The following PCDHA2 variants were observed in gnomAD, a reference collection of about 807,000 sequenced individuals.
The protein encoded by PCDHA2 is protocadherin alpha-2.
PCDHA2 carries 58 observed loss-of-function variants against 66.0 expected under a neutral mutation model. The ratio of observed to expected loss-of-function variants is 0.88; its 90% CI spans 0.71 to 1.09. PCDHA2 has a LOEUF of 1.09. Among genes scored for constraint, PCDHA2 ranks in the 50% least tolerant of loss-of-function variants. The probability of loss-of-function intolerance (pLI) is 0.00; values close to 1 mark genes in which losing one functional copy is unlikely to be tolerated. For missense variants in PCDHA2, 1,267 were observed against 1,242.3 expected (o/e 1.02, Z -0.30); for synonymous variants, 634 against 554.0 (o/e 1.14, Z -2.03).
At chr5:141,007,974 A>G (rs2098354254) in intron 3 of PCDHA2, among the ~76,000 whole-genome samples, 1 of 152,220 alleles carries the variant, frequency 6.6e-6, no homozygotes, top group Non-Finnish European at 1.5e-5. Flanking sequence ...GGTGTCTGTC[A>G]TGTATATATG....
In PCDHA2 at chr5:140,968,565, C is replaced by T. The variant is rs532751675; in HGVS notation, c.2389-10384C>T. ...GAGATGGTGCCTCGAACTGCCCCTG[C>T]TGGCTACCTGGTCACCAAAGTCATA... is the stretch of plus-strand genomic sequence containing the variant. On this transcript the variant is annotated intron_variant, in intron 1 of 3. Coordinates refer to ENST00000526136, the MANE Select transcript of PCDHA2 (RefSeq NM_018905.3). 4.3e-6 allele frequency: 7 copies of T among 1,614,206 alleles called. No homozygotes were observed. The African/African-American group carries it at 6.7e-5, about 15-fold the overall frequency.
At chr5:140,948,543 T>C (rs1226242016) in intron 1 of PCDHA2, among the ~76,000 whole-genome samples, 2 of 151,702 alleles carry the variant, frequency 1.3e-5, no homozygotes, top group Non-Finnish European at 3.0e-5. Flanking sequence ...TTTCATGCTC[T>C]GTCAATTTTG....
intron 3 of PCDHA2, among the ~76,000 whole-genome samples, chr5:141,000,351 GTCTC>G (rs1554257240): frequency 3.0e-5 from 2 of 66,862 alleles, no homozygotes. Flanking sequence ...CTCTCTCTCT[GTCTC>G]TCTCTGTCTC....
At chr5:140,877,149 C>T in intron 1 of PCDHA2, 5 of 1,613,766 alleles carry the variant, frequency 3.1e-6, no homozygotes, top group Non-Finnish European at 4.2e-6. Flanking sequence ...TGGACGAGAA[C>T]GACAACGCGC....
chr5:140,902,953 C>G (rs549407032), intron 1 of PCDHA2, among the ~76,000 whole-genome samples: 1 of 152,162 alleles, frequency 6.6e-6, no homozygotes, highest in East Asian at 1.9e-4. Context: ...TCTTTATCCA[C>G]TTGTTGGCTG....
At chr5:140,820,842 T>G in intron 1 of PCDHA2, among the ~76,000 whole-genome samples, 1 of 152,168 alleles carries the variant, frequency 6.6e-6, no homozygotes, top group African/African-American at 2.4e-5. Flanking sequence ...AATAGCAACT[T>G]GAAGAAATGC....
chr5:140,803,059 C>G, intron 1 of PCDHA2: 1 of 1,613,996 alleles, frequency 6.2e-7, no homozygotes, highest in South Asian at 1.1e-5. Flanking sequence ...GCGCGCATCC[C>G]GTTTCGCGTG....
Position 140,884,013 on chromosome 5 carries a change from C to T in PCDHA2, c.2388+86661C>T, listed in dbSNP as rs148971741. The T allele has an allele frequency of 5.1e-5, 82 of 1,613,132 alleles. No homozygotes were observed. The African/African-American group carries it at 9.2e-4, about 18-fold the overall frequency. On this transcript the variant is annotated intron_variant, in intron 1 of 3. Transcript: ENST00000526136. ...GGAGGCACAGTGAGCGAGCTGATGC[C>T]GCGGTCGGTGGGTGCAGGCCACGTG...
intron 3 of PCDHA2, among the ~76,000 whole-genome samples, chr5:140,999,505 A>T (rs1221080631): frequency 1.3e-5 from 2 of 152,134 alleles, no homozygotes; most frequent in African/African-American, 4.8e-5. Context: ...AAGAACCTAC[A>T]TTTTAAGCAT....
chr5:140,970,894 C>T (rs1302694264), intron 1 of PCDHA2, among the ~76,000 whole-genome samples: 1 of 152,090 alleles, frequency 6.6e-6, no homozygotes, highest in Non-Finnish European at 1.5e-5. Context: ...ATGGACATTT[C>T]AGATAGATTT....
chr5:140,843,529 G>A (rs2150362130), intron 1 of PCDHA2: 1 of 1,596,020 alleles, frequency 6.3e-7, no homozygotes, highest in Middle Eastern at 1.7e-4. Flanking sequence ...GGGCGGGCAA[G>A]CCCACTCTGG....
chr5:140,882,676 C>T (rs1458440894), intron 1 of PCDHA2: 18 of 1,614,060 alleles, frequency 1.1e-5, no homozygotes, highest in Admixed American at 3.3e-5. Context: ...TCCCTGAAAG[C>T]AAGAAACGAA....
intron 3 of PCDHA2, among the ~76,000 whole-genome samples, chr5:141,008,523 C>A (rs2098380908): frequency 6.6e-6 from 1 of 152,182 alleles, no homozygotes; most frequent in Admixed American, 6.5e-5. Context: ...CAATCAGACT[C>A]TTGGGAATGT....
rs573060069 is a variant in PCDHA2 at position 140,798,841 on chromosome 5, T to C, written c.2388+1489T>C. The stretch of plus-strand genomic sequence containing the variant: ...CAAAGGCAGATGTATTGCAATAAAA[T>C]AACTGTCTTAAACGGTCCTCTACTA... On this transcript the variant is annotated intron_variant, in intron 1 of 3. Transcript: ENST00000526136. Among the ~76,000 whole-genome samples, 9 of 152,336 alleles carry C rather than the reference T, an allele frequency of 5.9e-5. No homozygotes were observed. In the South Asian group the frequency reaches 1.0e-3, roughly 18 times the overall value.
At chr5:140,927,400 C>G (rs782428365) in intron 1 of PCDHA2, 11 of 1,614,126 alleles carry the variant, frequency 6.8e-6, no homozygotes, top group Non-Finnish European at 8.5e-6. Flanking sequence ...TCAGCACTTT[C>G]GCCTGGACAT....
At chr5:140,843,084 G>A (rs2150352183) in intron 1 of PCDHA2, 6 of 1,595,554 alleles carry the variant, frequency 3.8e-6, no homozygotes, top group South Asian at 3.3e-5. Context: ...GTGGGCGCGG[G>A]CCACGTGGTA....
chr5:140,979,122 T>C (rs1271679977), intron 2 of PCDHA2, 115 bp downstream of exon 2: 2 of 1,493,778 alleles, frequency 1.3e-6, no homozygotes, highest in African/African-American at 2.8e-5. Flanking sequence ...TTAGGTACTT[T>C]GCCAGGAAAA....
intron 1 of PCDHA2, among the ~76,000 whole-genome samples, chr5:140,931,907 G>T (rs573618162): frequency 6.6e-6 from 1 of 151,782 alleles, no homozygotes; most frequent in Non-Finnish European, 1.5e-5. Flanking sequence ...CATTTGAAAA[G>T]CATGACATTT....
chr5:140,867,150 G>C lies in PCDHA2; in HGVS notation c.2388+69798G>C, dbSNP rs1027648085. On this transcript the variant is annotated intron_variant, in intron 1 of 3. Coordinates refer to ENST00000526136, the MANE Select transcript of PCDHA2 (RefSeq NM_018905.3). ...AATATGTGATATTATCATTTTTCCA[G>C]AGTAAACCTTCTAAGGTTCATTTCC... The C allele has an allele frequency of 2.0e-5, 3 of 152,068 alleles. No individual in the cohort carries two copies. The East Asian group carries it at 5.8e-4, about 29-fold the overall frequency. The allele number at this position is 152,068 out of a possible 1,614,324, so 9.4% of individuals were successfully genotyped here. A position where few individuals can be genotyped will look rare whatever the true frequency, so the allele number is the denominator to read the frequency against.
Sources: allele counts gnomAD v4.1 joint callset (sites outside exome capture counted in the v4.1 genomes callset), GRCh38; gene constraint gnomAD v4.1.1; transcripts MANE v1.5; gene names NCBI Gene and HGNC (gene_info 2026-07-23, HGNC 2026-07-21).